MYO9B: variants seen among roughly 807,000 people sequenced by gnomAD.
The protein encoded by MYO9B is unconventional myosin-IXb.
Under a neutral mutation model 229.5 loss-of-function variants are expected in MYO9B, and 71 were observed. The observed-to-expected ratio is 0.31, with a 90% CI of 0.26 to 0.38. The LOEUF is 0.38. MYO9B is among the 10% of genes least tolerant of loss of function. MYO9B has a pLI of 1.00. For missense variants in MYO9B, 2,255 were observed against 2,920.5 expected, an observed-to-expected ratio of 0.77 and a Z score of 5.25; for synonymous variants, 1,185 against 1,235.8, an observed-to-expected ratio of 0.96 and a Z score of 0.86.
At chr19:17,200,144 AT>A in intron 24 of MYO9B, 148 bp from the exon 25 acceptor site, 1 of 1,003,774 alleles carries the variant, frequency 1.0e-6, no homozygotes, top group Non-Finnish European at 1.4e-6. Flanking sequence ...AAGTGCTGGG[AT>A]TACAGGCATA....
At chr19:17,147,283 C>T (rs1218736001) in intron 3 of MYO9B, among the ~76,000 whole-genome samples, 3 of 152,192 alleles carry the variant, frequency 2.0e-5, no homozygotes, top group Non-Finnish European at 4.4e-5. Flanking sequence ...TGGCTCACAC[C>T]TATAATCCCA....
intron 14 of MYO9B, 101 bp from the exon 15 acceptor site, chr19:17,180,826 C>T: frequency 1.4e-6 from 1 of 711,180 alleles, no homozygotes; most frequent in Non-Finnish European, 2.4e-6. Context: ...GCTTCAGTGG[C>T]CTGGGGATGG....
chr19:17,175,555 G>A (rs1197148882), intron 13 of MYO9B, 108 bp from the exon 14 acceptor site: 6 of 862,834 alleles, frequency 7.0e-6, no homozygotes, highest in African/African-American at 5.3e-5. Context: ...CTCCAGCCTG[G>A]GTGACAGAGC....
chr19:17,202,317 C>T lies in MYO9B; in HGVS notation c.4836+14C>T, dbSNP rs1233787307. The T allele has an allele frequency of 6.4e-7, 1 of 1,550,570 alleles. No individual in the cohort carries two copies. On this transcript the variant is annotated intron_variant, in intron 28 of 39. Transcript: ENST00000682292. ...GAGCCAGTGAAGGTGGGCAGCCCAG[C>T]ATGCCACGCCCACCTGTGACATGCC... is the stretch of plus-strand genomic sequence containing the variant.
Position 17,145,508 on chromosome 19 carries a change from G to A in MYO9B, c.935+17G>A. The A allele has an allele frequency of 1.2e-6, 2 of 1,607,370 alleles. No homozygotes were observed. Among genetic ancestry groups the A allele is most frequent in the Non-Finnish European group, 1.7e-6 (2 of 1,173,946 alleles). Reference sequence around the variant, plus strand: ...CGTGAGAGGGTGAGGTGTCCCTGGGGTCCCCACTGGTGGGAGCTGGCCCCA... The same window carrying A: ...CGTGAGAGGGTGAGGTGTCCCTGGGATCCCCACTGGTGGGAGCTGGCCCCA... On this transcript the variant is annotated intron_variant, in intron 3 of 39. Transcript: ENST00000682292.
intron 2 of MYO9B, among the ~76,000 whole-genome samples, chr19:17,137,569 A>G (rs1165260049): frequency 6.6e-6 from 1 of 151,990 alleles, no homozygotes; most frequent in Non-Finnish European, 1.5e-5. Flanking sequence ...TCCGTGCCCC[A>G]TGATCTTGAG....
Position 17,124,347 on chromosome 19 carries a change from A to G in MYO9B, c.841-21050A>G, listed in dbSNP as rs575290101. 6.6e-5 allele frequency among the ~76,000 whole-genome samples: 10 copies of G among 152,238 alleles called. No individual in the cohort carries two copies. In the East Asian group the frequency reaches 1.9e-3, roughly 29 times the overall value. Reference sequence around the variant, plus strand: ...ATCTCTACAAATAAAAATCATTCCTATGTCAGGTAAAGAGAAAGCATTTAG... The same window carrying G: ...ATCTCTACAAATAAAAATCATTCCTGTGTCAGGTAAAGAGAAAGCATTTAG... On this transcript the variant is annotated intron_variant, in intron 2 of 39. Coordinates refer to ENST00000682292, the MANE Select transcript of MYO9B (RefSeq NM_004145.4).
In MYO9B at chr19:17,192,743, C is replaced by A. The variant is rs1428685201; in HGVS notation, c.2812-3C>A. 1.3e-6 allele frequency: 2 copies of A among 1,527,814 alleles called. No individual in the cohort carries two copies. The highest frequency in any genetic ancestry group is 2.5e-5 in the East Asian group (1 of 40,714). 94.6% of individuals were successfully genotyped at this position (1,527,814 alleles called of 1,614,324 possible). On this transcript the variant is annotated splice_region_variant and splice_polypyrimidine_tract_variant and intron_variant, in intron 20 of 39. Coordinates refer to ENST00000682292, the MANE Select transcript of MYO9B (RefSeq NM_004145.4). ...TGACCCCACCTGACCCCGTGCCCAC[C>A]AGGTCTTCCTGAAGGAGACGGAGCG...
Position 17,212,644 on chromosome 19 carries a change from A to C in MYO9B, c.*334A>C. The C allele has an allele frequency of 3.2e-6, 1 of 310,324 alleles. No individual in the cohort carries two copies. Among genetic ancestry groups the C allele is most frequent in the Non-Finnish European group, 5.9e-6 (1 of 169,512 alleles). The allele number at this position is 310,324 out of a possible 1,614,324, so 19.2% of individuals were successfully genotyped here. A position where few individuals can be genotyped will look rare whatever the true frequency, so the allele number is the denominator to read the frequency against. ...GTAACTTTAAACTGTAACAGCCTTA[A>C]TGGAAGACCAAATGGTTTTTTATAT... On this transcript the variant is annotated 3_prime_UTR_variant, in exon 40 of 40. Transcript: ENST00000682292. The surrounding 1 kb of genome is among the most constrained non-coding windows in gnomAD (Gnocchi z 5.4).
Position 17,177,094 on chromosome 19 carries a change from G to A in MYO9B, c.2219+1353G>A, listed in dbSNP as rs369405108. 7.8e-4 allele frequency among the ~76,000 whole-genome samples: 119 copies of A among 152,178 alleles called. 2 individuals are homozygous for A. In the South Asian group the frequency reaches 0.023, roughly 29 times the overall value. ...CGAGTACCTGTAGTCCCAGCTACTC[G>A]AGAGGCTGAGGCAGGAGAATTGCTT... On this transcript the variant is annotated intron_variant, in intron 14 of 39. Transcript: ENST00000682292.
intron 11 of MYO9B, 97 bp downstream of exon 11, chr19:17,168,161 C>T (rs1309901498): frequency 1.4e-6 from 2 of 1,479,834 alleles, no homozygotes; most frequent in African/African-American, 2.8e-5. Context: ...CCAGACTTTC[C>T]CAAGAGCGCC....
Position 17,202,826 on chromosome 19 carries a change from C to T in MYO9B, c.4837-16C>T. 1 of 1,585,438 alleles carries T rather than the reference C, an allele frequency of 6.3e-7. No homozygotes were observed. The highest frequency in any genetic ancestry group is 8.6e-7 in the Non-Finnish European group (1 of 1,166,340). On this transcript the variant is annotated splice_polypyrimidine_tract_variant and intron_variant, in intron 28 of 39. Transcript: ENST00000682292. ...CAGGGGGGCCCCCGCCAACCTCCTC[C>T]TTGTGTTCCTCACAGCAGAGCAAAG...
At chr19:17,167,241 C>T (rs537257891) in intron 10 of MYO9B, among the ~76,000 whole-genome samples, 18 of 150,132 alleles carry the variant, frequency 1.2e-4, no homozygotes, top group Non-Finnish European at 2.1e-4. Flanking sequence ...CTATATTGCC[C>T]GGGCTGGTCT....
chr19:17,121,125 T>C (rs1389481988), intron 2 of MYO9B, among the ~76,000 whole-genome samples: 2 of 152,138 alleles, frequency 1.3e-5, no homozygotes, highest in African/African-American at 4.8e-5. Flanking sequence ...GTATTTTTAG[T>C]AGAGATGGGG....
At position 17,162,484 on chromosome 19, in the gene MYO9B, C is replaced by A; in HGVS notation, c.1536+18C>A. 1 of 1,545,512 alleles carries A rather than the reference C, an allele frequency of 6.5e-7. No homozygotes were observed. Among genetic ancestry groups the A allele is most frequent in the South Asian group, 1.2e-5 (1 of 83,952 alleles). On this transcript the variant is annotated intron_variant, in intron 9 of 39. Coordinates refer to ENST00000682292, the MANE Select transcript of MYO9B (RefSeq NM_004145.4). ...CAGTCTCGGTGAGTGCCCCCATTTGCTTCCTCAAGCCCGGCCAGGGGAGGC... is the reference window on the plus strand; with the variant it reads ...CAGTCTCGGTGAGTGCCCCCATTTGATTCCTCAAGCCCGGCCAGGGGAGGC...
At chr19:17,145,154 T>C (rs2072393484) in intron 2 of MYO9B, among the ~76,000 whole-genome samples, 1 of 151,916 alleles carries the variant, frequency 6.6e-6, no homozygotes, top group Admixed American at 6.6e-5. Context: ...CGCACATCTG[T>C]AGTCCCAGCT....
At chr19:17,138,377 C>G (rs1417133738) in intron 2 of MYO9B, among the ~76,000 whole-genome samples, 1 of 152,146 alleles carries the variant, frequency 6.6e-6, no homozygotes, top group Non-Finnish European at 1.5e-5. Context: ...GCATGTATCT[C>G]TATCGCAGAA....
chr19:17,146,674 G>T (rs1555697779), intron 3 of MYO9B, among the ~76,000 whole-genome samples: 1 of 152,120 alleles, frequency 6.6e-6, no homozygotes, highest in Non-Finnish European at 1.5e-5. Flanking sequence ...AGATTTTGTG[G>T]ATGTGTCAAT....
chr19:17,162,150 C>T (rs993068996), intron 8 of MYO9B, among the ~76,000 whole-genome samples, 200 bp from the exon 9 acceptor site: 1 of 152,064 alleles, frequency 6.6e-6, no homozygotes, highest in African/African-American at 2.4e-5. Flanking sequence ...AGTAAAAATA[C>T]AAAAATTAGC....
Sources: allele counts gnomAD v4.1 joint callset (sites outside exome capture counted in the v4.1 genomes callset), GRCh38; gene constraint gnomAD v4.1.1; non-coding constraint Gnocchi (gnomAD v3.1); transcripts MANE v1.5; gene names NCBI Gene and HGNC (gene_info 2026-07-23, HGNC 2026-07-21).